Variants in CPNE8 observed in about 807,000 individuals in gnomAD.
CPNE8 encodes copine 8, also known as copine-8.
Under a neutral mutation model 81.5 loss-of-function variants are expected in CPNE8, and 45 were observed. The observed-to-expected ratio is 0.55, with a 90% CI of 0.44 to 0.71. The LOEUF is 0.71. CPNE8 is among the 30% of genes least tolerant of loss of function. The pLI is 0.00. For missense variants in CPNE8, 594 were observed against 672.1 expected (o/e 0.88, Z 1.28); for synonymous variants, 252 against 226.3 (o/e 1.11, Z -1.02).
At chr12:38,779,711 T>C (rs868316737) in intron 6 of CPNE8, among the ~76,000 whole-genome samples, 6 of 152,088 alleles carry the variant, frequency 3.9e-5, no homozygotes, top group Middle Eastern at 3.2e-3. Context: ...GTTTTAAAAG[T>C]AAATGTGAAG....
chr12:38,736,234 T>TGTG (rs60702724), intron 10 of CPNE8, among the ~76,000 whole-genome samples: 175 of 148,842 alleles, frequency 1.2e-3, no homozygotes, highest in Non-Finnish European at 2.0e-3. Context: ...TGTGTGTGTG[T>TGTG]TGTGTGTGTA....
intron 1 of CPNE8, among the ~76,000 whole-genome samples, chr12:38,895,881 T>TA (rs1944381777): frequency 6.6e-6 from 1 of 152,066 alleles, no homozygotes; most frequent in African/African-American, 2.4e-5. Context: ...GAATTAGACA[T>TA]ATATGGATAG....
chr12:38,901,195 T>C (rs1944456794), intron 1 of CPNE8, among the ~76,000 whole-genome samples: 1 of 152,192 alleles, frequency 6.6e-6, no homozygotes, highest in African/African-American at 2.4e-5. Context: ...CACTCCAGCC[T>C]GGGCCACAGA....
chr12:38,797,740 C>A (rs1303401103), intron 6 of CPNE8, among the ~76,000 whole-genome samples: 1 of 152,050 alleles, frequency 6.6e-6, no homozygotes, highest in African/African-American at 2.4e-5. Flanking sequence ...TTCAGAAGAT[C>A]AAACTACTCC....
At position 38,806,371 on chromosome 12, in the gene CPNE8, G is replaced by A. The variant is rs375553024; in HGVS notation, c.407+23008C>T. 2.9e-4 allele frequency among the ~76,000 whole-genome samples: 43 copies of A among 149,042 alleles called. 2 individuals carry two copies. The highest frequency in any genetic ancestry group is 1.3e-3 in the Admixed American group (20 of 14,932). ...ATCCTCAATAAAATACTGGCAAACC[G>A]AATCCAGCAGCACATCAAAAAGCTT... is the stretch of plus-strand genomic sequence containing the variant. On this transcript the variant is annotated intron_variant, in intron 6 of 19. Coordinates refer to ENST00000331366, the MANE Select transcript of CPNE8 (RefSeq NM_153634.3).
rs770949435 is a variant in CPNE8, at chr12:38,698,588, G to A, written c.961+4287C>T. Among the ~76,000 whole-genome samples the A allele has an allele frequency of 5.8e-4, 89 of 152,268 alleles. No individual in the cohort carries two copies. The Middle Eastern group carries it at 0.017, about 29-fold the overall frequency. On this transcript the variant is annotated intron_variant, in intron 14 of 19. Transcript: ENST00000331366. ...TTTGAGTTAATTTTCGTATGCGAGG[G>A]AAGAGTCCAACTTCCTGCTTTTGCA...
rs542924565 is a variant in CPNE8, at chr12:38,702,918, C to A, written c.918G>T (p.Thr306=). ...CAATAGCCACTGTGAAATTGATTTG[C>A]GTCCTGGAATAGAAGTAAACAAGAC... The part of the protein sequence containing the change: ...VSFLDYIKGG[T]QINFTVAIDF... Residue 306 remains threonine, a synonymous_variant, in exon 14 of 20, where the codon ACG becomes ACT. Coordinates refer to ENST00000331366, the MANE Select transcript of CPNE8 (RefSeq NM_153634.3). The A allele has an allele frequency of 1.6e-5, 25 of 1,578,044 alleles. No individual in the cohort carries two copies. In the South Asian group the frequency reaches 2.8e-4, roughly 18 times the overall value.
intron 6 of CPNE8, among the ~76,000 whole-genome samples, chr12:38,799,826 G>C (rs532780566): frequency 1.3e-4 from 20 of 148,796 alleles, no homozygotes; most frequent in Non-Finnish European, 2.0e-4. Flanking sequence ...GAAGCAGGGC[G>C]AGGCATTGCC....
chr12:38,880,615 A>C (rs1219901249), intron 1 of CPNE8, among the ~76,000 whole-genome samples: 1 of 152,174 alleles, frequency 6.6e-6, no homozygotes, highest in Non-Finnish European at 1.5e-5. Flanking sequence ...GGAATCAGAA[A>C]GTTATTTGTA....
At chr12:38,680,918 A>G (rs775261880) in intron 16 of CPNE8, among the ~76,000 whole-genome samples, 5 of 152,010 alleles carry the variant, frequency 3.3e-5, no homozygotes, top group Admixed American at 6.6e-5. Flanking sequence ...ATCAGAAAAA[A>G]ACAGAAAAAA....
chr12:38,785,999 G>C (rs1399439184), intron 6 of CPNE8, among the ~76,000 whole-genome samples: 1 of 151,820 alleles, frequency 6.6e-6, no homozygotes, highest in African/African-American at 2.4e-5. Context: ...AGGAAAGAAA[G>C]AAGAGAACAC....
At chr12:38,741,449 T>C (rs1941102548) in intron 10 of CPNE8, among the ~76,000 whole-genome samples, 2 of 152,196 alleles carry the variant, frequency 1.3e-5, no homozygotes, top group Admixed American at 6.5e-5. Flanking sequence ...CCCTATTTAA[T>C]AAATGTTGCT....
intron 14 of CPNE8, among the ~76,000 whole-genome samples, chr12:38,701,062 C>T (rs1939930787): frequency 6.6e-6 from 1 of 152,118 alleles, no homozygotes; most frequent in African/African-American, 2.4e-5. Context: ...TAAAAATCCT[C>T]TCATTGCAAG....
At chr12:38,767,080 C>T (rs1941705838) in intron 8 of CPNE8, among the ~76,000 whole-genome samples, 1 of 151,852 alleles carries the variant, frequency 6.6e-6, no homozygotes, top group South Asian at 2.1e-4. Flanking sequence ...ATATGAATCA[C>T]AAAAAACAAG....
Position 38,855,498 on chromosome 12 carries a change from C to T in CPNE8, c.187-6836G>A, listed in dbSNP as rs144327473. ...GATCACAATGCTACAGTTACCAACA[C>T]AGCATGTTACTGTCATAACAACATA... On this transcript the variant is annotated intron_variant, in intron 3 of 19. Coordinates refer to ENST00000331366, the MANE Select transcript of CPNE8 (RefSeq NM_153634.3). Among the ~76,000 whole-genome samples the T allele has an allele frequency of 2.6e-3, 397 of 152,206 alleles. 2 individuals carry two copies. The highest frequency in any genetic ancestry group is 9.3e-3 in the African/African-American group (387 of 41,552).
intron 19 of CPNE8, among the ~76,000 whole-genome samples, chr12:38,663,976 AG>A (rs1164813601): frequency 6.6e-6 from 1 of 152,102 alleles, no homozygotes; most frequent in Non-Finnish European, 1.5e-5. Context: ...TGGGAAGGAT[AG>A]GTGGGGAAAG....
chr12:38,810,998 C>A (rs894663716), intron 6 of CPNE8, among the ~76,000 whole-genome samples: 1 of 152,086 alleles, frequency 6.6e-6, no homozygotes, highest in Non-Finnish European at 1.5e-5. Flanking sequence ...CATGTAAGTA[C>A]ATTAAGCCCA....
Position 38,765,441 on chromosome 12 carries a change from TA to T in CPNE8, c.575+2193del, listed in dbSNP as rs554079622. 4.9e-3 allele frequency among the ~76,000 whole-genome samples: 752 copies of T among 152,084 alleles called. 5 individuals are homozygous for T. Among genetic ancestry groups the T allele is most frequent in the African/African-American group, 0.017 (700 of 41,484 alleles). On this transcript the variant is annotated intron_variant, in intron 8 of 19. Transcript: ENST00000331366. Reference sequence around the variant, plus strand: ...ATAAATGTCAAAGCAAGAACATGAGTATAAGATCATAAGTATGAAGGCTTTT... The same window carrying T: ...ATAAATGTCAAAGCAAGAACATGAGTTAAGATCATAAGTATGAAGGCTTTT...
At chr12:38,768,707 T>G (rs1358014380) in intron 7 of CPNE8, among the ~76,000 whole-genome samples, 1 of 152,010 alleles carries the variant, frequency 6.6e-6, no homozygotes, top group Admixed American at 6.6e-5. Flanking sequence ...TTTTTTTTTT[T>G]TAGCAGAGAC....
Sources: allele counts gnomAD v4.1 joint callset (sites outside exome capture counted in the v4.1 genomes callset), GRCh38; gene constraint gnomAD v4.1.1; transcripts MANE v1.5; gene names NCBI Gene and HGNC (gene_info 2026-07-23, HGNC 2026-07-21).